SLC15A5: variants seen among roughly 807,000 people sequenced by gnomAD.
The protein encoded by SLC15A5 is Peptide/histidine transporter ENSP00000340402.
Under a neutral mutation model 56.1 loss-of-function variants are expected in SLC15A5, and 58 were observed. The observed-to-expected ratio is 1.03, with a 90% confidence interval of 0.84 to 1.29. The LOEUF is 1.29. Ranked by LOEUF, SLC15A5 falls within the 50% of genes most tolerant of loss-of-function variation. SLC15A5 has a pLI of 0.00. For synonymous variants in SLC15A5, 264 were observed against 250.5 expected, an observed-to-expected ratio of 1.05 and a Z score of -0.51; for missense variants, 681 against 672.1, an observed-to-expected ratio of 1.01 and a Z score of -0.15.
chr12:16,216,856 C>CTCAA, intron 7 of SLC15A5, 37 bp downstream of exon 7: 2 of 1,509,872 alleles, frequency 1.3e-6, no homozygotes, highest in Non-Finnish European at 1.8e-6. Context: ...TAGTCATCAA[C>CTCAA]TCAATGTATA....
At chr12:16,216,695 T>A (rs979385553) in intron 7 of SLC15A5, among the ~76,000 whole-genome samples, 198 bp downstream of exon 7, 1 of 152,062 alleles carries the variant, frequency 6.6e-6, no homozygotes, top group Non-Finnish European at 1.5e-5. Flanking sequence ...AATTACCTCC[T>A]CCTATCAAAA....
At chr12:16,200,451 A>T (rs986697270) in intron 7 of SLC15A5, among the ~76,000 whole-genome samples, 1 of 152,066 alleles carries the variant, frequency 6.6e-6, no homozygotes, top group African/African-American at 2.4e-5. Context: ...TGACTATAAC[A>T]CACTCTTGCC....
At chr12:16,217,680 G>A (rs1312952578) in intron 6 of SLC15A5, among the ~76,000 whole-genome samples, 1 of 152,054 alleles carries the variant, frequency 6.6e-6, no homozygotes, top group African/African-American at 2.4e-5. Flanking sequence ...CCTGAATAAG[G>A]GTTAGGTATT....
rs112876507 is a variant in SLC15A5, at chr12:16,224,569, A to G, written c.1196T>C (p.Met399Thr). 2.6e-6 allele frequency: 4 copies of G among 1,536,490 alleles called. No homozygotes were observed. Among genetic ancestry groups the G allele is most frequent in the African/African-American group, 1.4e-5 (1 of 73,122 alleles). The change falls in exon 6 of 9, where the codon ATG becomes ACG. Residue 399 changes from methionine (M) to threonine (T), a missense_variant. Coordinates refer to ENST00000344941, the MANE Select transcript of SLC15A5 (RefSeq NM_001170798.1). ...AGNLFAALSV[M>T]IAGFFEIHRK... The stretch of plus-strand genomic sequence containing the variant: ...GTGTATTTCAAAGAAGCCAGCTATC[A>G]TCACAGACAATGCAGCAAAAAGATT...
chr12:16,276,253 T>C (rs1349821961), intron 1 of SLC15A5, among the ~76,000 whole-genome samples: 2 of 151,980 alleles, frequency 1.3e-5, no homozygotes, highest in Non-Finnish European at 2.9e-5. Context: ...TGAATGGTAA[T>C]TTACCACCTG....
In SLC15A5 at chr12:16,239,803, G is replaced by A. The variant is rs1387262695; in HGVS notation, c.1040C>T (p.Pro347Leu). ...SNLNLDGFLL[P>L]IAVMNAISSL... ...GCTGATGGCATTCATTACTGCAATC[G>A]GCAGAAGAAATCCATCCAAATTCAG... Residue 347 changes from proline to leucine, a missense_variant, in exon 5 of 9, where the codon CCG becomes CTG. Pro to Leu is a moderately conservative substitution (Grantham distance 98). Coordinates refer to ENST00000344941, the MANE Select transcript of SLC15A5 (RefSeq NM_001170798.1). The A allele has an allele frequency of 1.2e-5, 19 of 1,537,110 alleles. No homozygotes were observed. Among genetic ancestry groups the A allele is most frequent in the African/African-American group, 4.1e-5 (3 of 73,120 alleles).
At chr12:16,240,588 C>T (rs553714552) in intron 4 of SLC15A5, among the ~76,000 whole-genome samples, 1 of 152,014 alleles carries the variant, frequency 6.6e-6, no homozygotes, top group Admixed American at 6.6e-5. Context: ...ACCCTGTGCT[C>T]CACCCCAAAT....
At position 16,239,675 on chromosome 12, in the gene SLC15A5, A is replaced by C. The variant is rs1216566537; in HGVS notation, c.1162+6T>G. On this transcript the variant is annotated splice_donor_region_variant and intron_variant, in intron 5 of 8. Coordinates refer to ENST00000344941, the MANE Select transcript of SLC15A5 (RefSeq NM_001170798.1). The stretch of plus-strand genomic sequence containing the variant: ...GATTCGCATGAAATGGTTAAATTGT[A>C]CTTACTGATGCATGTTGACAGAAAT... 6.5e-7 allele frequency: 1 copy of C among 1,535,562 alleles called. No individual in the cohort carries two copies. The highest frequency in any genetic ancestry group is 1.2e-5 in the South Asian group (1 of 83,536).
Position 16,249,206 on chromosome 12 carries a change from C to T in SLC15A5, c.755-4406G>A, listed in dbSNP as rs185344852. ...AGTGGGAAGAAATGCAAATGAATTC[C>T]GTGCTTGACAGCTAAACATAATGAA... On this transcript the variant is annotated intron_variant, in intron 3 of 8. Transcript: ENST00000344941. Among the ~76,000 whole-genome samples, 95 of 152,066 alleles carry T rather than the reference C, an allele frequency of 6.2e-4. 1 individual carries two copies. Among genetic ancestry groups the T allele is most frequent in the African/African-American group, 2.2e-3 (90 of 41,506 alleles).
chr12:16,226,410 C>G (rs547444508), intron 5 of SLC15A5, among the ~76,000 whole-genome samples: 1 of 150,682 alleles, frequency 6.6e-6, no homozygotes, highest in South Asian at 2.1e-4. Context: ...ACTTTTTTTC[C>G]CAGAAAAGAG....
intron 7 of SLC15A5, among the ~76,000 whole-genome samples, chr12:16,208,746 C>G (rs546684938): frequency 6.6e-6 from 1 of 152,186 alleles, no homozygotes; most frequent in South Asian, 2.1e-4. Context: ...AAGGTTCCCA[C>G]TTAAATTTTA....
intron 5 of SLC15A5, among the ~76,000 whole-genome samples, chr12:16,233,489 T>G (rs900631949): frequency 1.3e-5 from 2 of 152,262 alleles, no homozygotes; most frequent in African/African-American, 4.8e-5. Flanking sequence ...TGTTCATCTG[T>G]GTAAACCATT....
Position 16,188,965 on chromosome 12 carries a change from T to C in SLC15A5, c.*703A>G, listed in dbSNP as rs1863813873. 1 of 152,178 alleles carries C rather than the reference T, an allele frequency of 6.6e-6. No individual in the cohort carries two copies. The highest frequency in any genetic ancestry group is 1.5e-5 in the Non-Finnish European group (1 of 68,034). The allele number at this position is 152,178 out of a possible 1,614,324, so 9.4% of individuals were successfully genotyped here. A position where few individuals can be genotyped will look rare whatever the true frequency, so the allele number is the denominator to read the frequency against. On this transcript the variant is annotated 3_prime_UTR_variant, in exon 9 of 9. Transcript: ENST00000344941. The stretch of plus-strand genomic sequence containing the variant: ...CTTTAAGCATCTCTATTTGGTTTGG[T>C]CACTTACCCTCCTCTCAGCCCCCTC...
chr12:16,253,966 G>C (rs1864544106), intron 3 of SLC15A5, among the ~76,000 whole-genome samples: 2 of 152,204 alleles, frequency 1.3e-5, no homozygotes, highest in African/African-American at 4.8e-5. Flanking sequence ...GTGAGATTCT[G>C]AGGAAATATT....
chr12:16,233,608 A>C lies in SLC15A5; in HGVS notation c.1162+6073T>G, dbSNP rs968767978. 4.3e-4 allele frequency among the ~76,000 whole-genome samples: 65 copies of C among 152,264 alleles called. 1 individual carries two copies. Among genetic ancestry groups the C allele is most frequent in the African/African-American group, 1.4e-3 (59 of 41,568 alleles). On this transcript the variant is annotated intron_variant, in intron 5 of 8. Coordinates refer to ENST00000344941, the MANE Select transcript of SLC15A5 (RefSeq NM_001170798.1). Reference sequence around the variant, plus strand: ...CATCCGCTTTTATTACCTGTTACTGAACTTTCGTTCTGGCCTAGAGAGAAA... The same window carrying C: ...CATCCGCTTTTATTACCTGTTACTGCACTTTCGTTCTGGCCTAGAGAGAAA...
chr12:16,238,555 G>A (rs1671517), intron 5 of SLC15A5, among the ~76,000 whole-genome samples: 72,303 of 149,476 alleles, frequency 0.48, 17,660 homozygotes, highest in Middle Eastern at 0.54. Flanking sequence ...GCGTGAACCC[G>A]GGAGGAAGAG....
chr12:16,271,772 C>A lies in SLC15A5; in HGVS notation c.584+789G>T, dbSNP rs1289586761. On this transcript the variant is annotated intron_variant, in intron 2 of 8. Transcript: ENST00000344941. This position sits in a 1 kb window ranked among gnomAD's most constrained non-coding sequence, Gnocchi z 8.0. ...ATTCTTAACTACCCTCCCTTAAGAT[C>A]CATATATTAATTTGTTTTCTTGAAT... is the stretch of plus-strand genomic sequence containing the variant. 6.6e-6 allele frequency among the ~76,000 whole-genome samples: 1 copy of A among 152,094 alleles called. No homozygotes were observed.
At chr12:16,216,795 A>G (rs1300871868) in intron 7 of SLC15A5, 98 bp downstream of exon 7, 1 of 1,051,854 alleles carries the variant, frequency 9.5e-7, no homozygotes, top group Non-Finnish European at 1.3e-6. Context: ...TCAATTAAAA[A>G]AAGACTGCAC....
At chr12:16,199,945 G>A (rs1375926808) in intron 7 of SLC15A5, among the ~76,000 whole-genome samples, 1 of 151,932 alleles carries the variant, frequency 6.6e-6, no homozygotes, top group Non-Finnish European at 1.5e-5. Flanking sequence ...TAAAAATGCT[G>A]TAAAGTTCTC....
Sources: gnomAD v4.1 joint callset for allele counts (sites outside exome capture counted in the v4.1 genomes callset) on GRCh38, gnomAD v4.1.1 for gene constraint, Gnocchi (gnomAD v3.1) non-coding constraint, MANE v1.5 for transcripts, NCBI Gene and HGNC (gene_info 2026-07-23, HGNC 2026-07-21) for gene names.